ZNF257: variants seen among roughly 807,000 people sequenced by gnomAD.
ZNF257 encodes bone marrow zinc finger 4.
ZNF257 carries 12 observed loss-of-function variants against 11.9 expected under a neutral mutation model. The observed-to-expected ratio is 1.01, with a 90% confidence interval of 0.65 to 1.63. The LOEUF (loss-of-function observed/expected upper bound fraction) is 1.63. Ranked by LOEUF, ZNF257 falls within the 40% of genes most tolerant of loss-of-function variation. The pLI, the probability that ZNF257 is intolerant of heterozygous loss-of-function variation, is 0.00. For missense variants in ZNF257, 580 were observed against 665.5 expected, an observed-to-expected ratio of 0.87 and a Z score of 1.41; for synonymous variants, 183 against 222.7, an observed-to-expected ratio of 0.82 and a Z score of 1.59.
chr19:22,065,828 A>G (rs904665589), intron 1 of ZNF257: 2 of 152,182 alleles, frequency 1.3e-5, no homozygotes, highest in Admixed American at 1.3e-4. Context: ...TTCTTCATCA[A>G]AAAGTGCTGG....
chr19:22,082,042 T>G (rs2022371025), intron 3 of ZNF257, among the ~76,000 whole-genome samples: 1 of 151,990 alleles, frequency 6.6e-6, no homozygotes, highest in Non-Finnish European at 1.5e-5. Context: ...AAAATGAAGA[T>G]TACATAAAAC....
chr19:22,089,725 A>C lies in ZNF257; in HGVS notation c.*283A>C. ...AGCCTACAAATATGAAGAATGTGAC[A>C]AGGCCTTTAAAAGTTCTCAACCCTT... On this transcript the variant is annotated 3_prime_UTR_variant, in exon 4 of 4. Coordinates refer to ENST00000594947, the MANE Select transcript of ZNF257 (RefSeq NM_033468.4). The C allele has an allele frequency of 3.2e-6, 2 of 616,184 alleles. 1 individual carries two copies. The highest frequency in any genetic ancestry group is 4.7e-5 in the South Asian group (2 of 42,656). The allele number at this position is 616,184 out of a possible 1,614,324, so 38.2% of individuals were successfully genotyped here. A position where few individuals can be genotyped will look rare whatever the true frequency, so the allele number is the denominator to read the frequency against.
chr19:22,061,628 T>G (rs964936424), intron 1 of ZNF257, among the ~76,000 whole-genome samples: 1 of 152,048 alleles, frequency 6.6e-6, no homozygotes, highest in Non-Finnish European at 1.5e-5. Context: ...TGCCTTTTTT[T>G]TTTTTCTCAC....
chr19:22,069,577 T>G (rs2022047816), intron 1 of ZNF257, among the ~76,000 whole-genome samples: 1 of 148,994 alleles, frequency 6.7e-6, no homozygotes, highest in South Asian at 2.1e-4. Flanking sequence ...ATTGAGTGAT[T>G]GAGTGATTGC....
chr19:22,068,062 G>T (rs1309854478), intron 1 of ZNF257, among the ~76,000 whole-genome samples: 3 of 151,254 alleles, frequency 2.0e-5, no homozygotes, highest in South Asian at 4.2e-4. Flanking sequence ...TATAGTTGTG[G>T]TTATGACTCT....
rs773527600 is a variant in ZNF257 at position 22,089,269 on chromosome 19, A to G, written c.1519A>G (p.Ile507Val). Residue 507 changes from isoleucine (I) to valine (V), a missense_variant, in exon 4 of 4, where the codon ATA becomes GTA. Coordinates refer to ENST00000594947, the MANE Select transcript of ZNF257 (RefSeq NM_033468.4). ...NRSSHLSQHK[I>V]IHTGEKPYKC... Reference sequence around the variant, plus strand: ...GTCTTCACACCTTTCTCAACATAAGATAATTCATACTGGAGAGAAACCCTA... The same window carrying G: ...GTCTTCACACCTTTCTCAACATAAGGTAATTCATACTGGAGAGAAACCCTA... The G allele has an allele frequency of 1.2e-6, 2 of 1,613,854 alleles. No homozygotes were observed. The highest frequency in any genetic ancestry group is 1.7e-6 in the Non-Finnish European group (2 of 1,179,892).
chr19:22,059,382 T>C (rs1213902951), intron 1 of ZNF257, among the ~76,000 whole-genome samples: 2 of 152,108 alleles, frequency 1.3e-5, no homozygotes, highest in Non-Finnish European at 2.9e-5. Context: ...TACTTATAAA[T>C]GGTAACATGT....
intron 1 of ZNF257, among the ~76,000 whole-genome samples, chr19:22,071,659 T>TTG (rs2022106366): frequency 6.6e-6 from 1 of 152,124 alleles, no homozygotes; most frequent in Non-Finnish European, 1.5e-5. Context: ...AAAAATATGT[T>TTG]TTTTCCCATA....
chr19:22,065,698 A>G (rs918619913), intron 1 of ZNF257: 24 of 152,166 alleles, frequency 1.6e-4, no homozygotes, highest in African/African-American at 5.8e-4. Flanking sequence ...ACTAACTTGG[A>G]ATGCTGCTAT....
At position 22,089,150 on chromosome 19, in the gene ZNF257, C is replaced by T. The variant is rs546999576; in HGVS notation, c.1400C>T (p.Ala467Val). Residue 467 changes from alanine to valine, a missense_variant, in exon 4 of 4, where the codon GCC becomes GTC. Coordinates refer to ENST00000594947, the MANE Select transcript of ZNF257 (RefSeq NM_033468.4). The stretch of plus-strand genomic sequence containing the variant: ...TACAAATGTGAAGAGTGTGGCAAAG[C>T]CTTTAACCAGTCTTCACACCTTACT... ...KPYKCEECGK[A>V]FNQSSHLTQH... 12 of 1,613,834 alleles carry T rather than the reference C, an allele frequency of 7.4e-6. No homozygotes were observed. In the African/African-American group the frequency reaches 1.6e-4, roughly 22 times the overall value.
chr19:22,071,678 C>G (rs1055212181), intron 1 of ZNF257, among the ~76,000 whole-genome samples: 1 of 152,012 alleles, frequency 6.6e-6, no homozygotes, highest in African/African-American at 2.4e-5. Flanking sequence ...TATACCAGAG[C>G]CTTCTACATC....
At chr19:22,062,807 T>C (rs2099348) in intron 1 of ZNF257, among the ~76,000 whole-genome samples, 2,739 of 152,288 alleles carry the variant, frequency 0.018, 76 homozygotes, top group African/African-American at 0.062. Context: ...CCTGAAGTTT[T>C]CTTTTTCCAT....
intron 1 of ZNF257, among the ~76,000 whole-genome samples, chr19:22,056,066 A>AAAG (rs1555756851): frequency 1.2e-3 from 181 of 151,928 alleles, no homozygotes; most frequent in African/African-American, 4.3e-3. Context: ...AAAAAAAAAA[A>AAAG]AAAAAGAAAA....
At chr19:22,065,985 G>T (rs1294569545) in intron 1 of ZNF257, 1 of 152,204 alleles carries the variant, frequency 6.6e-6, no homozygotes, top group African/African-American at 2.4e-5. Context: ...CATGCTGAGA[G>T]TAGCTGTGCA....
intron 1 of ZNF257, among the ~76,000 whole-genome samples, chr19:22,058,672 G>C (rs998199235): frequency 1.6e-4 from 24 of 152,156 alleles, no homozygotes; most frequent in Non-Finnish European, 2.4e-4. Flanking sequence ...CTGCTTTTCT[G>C]TCTGTCATAG....
Position 22,052,510 on chromosome 19 carries a change from T to G in ZNF257, c.-123T>G. The G allele has an allele frequency of 1.7e-6, 2 of 1,177,110 alleles. No individual in the cohort carries two copies. The highest frequency in any genetic ancestry group is 1.2e-5 in the South Asian group (1 of 81,952). The allele number at this position is 1,177,110 out of a possible 1,614,324, so 72.9% of individuals were successfully genotyped here. A position where few individuals can be genotyped will look rare whatever the true frequency, so the allele number is the denominator to read the frequency against. ...CTTTGTCTCTCGCTCTAGCCCGAGC[T>G]GCAGGTCTCGTCTTCCCTGGTCTGT... On this transcript the variant is annotated 5_prime_UTR_variant, in exon 1 of 4. Coordinates refer to ENST00000594947, the MANE Select transcript of ZNF257 (RefSeq NM_033468.4).
At position 22,089,317 on chromosome 19, in the gene ZNF257, C is replaced by G. The variant is rs1391001661; in HGVS notation, c.1567C>G (p.Pro523Ala). 6.2e-7 allele frequency: 1 copy of G among 1,613,050 alleles called. No homozygotes were observed. Among genetic ancestry groups the G allele is most frequent in the South Asian group, 1.1e-5 (1 of 91,004 alleles). Residue 523 changes from proline (P) to alanine (A), a missense_variant, in exon 4 of 4, where the codon CCT (proline) becomes GCT (alanine). Transcript: ENST00000594947. ...CTACAAATGTGAAGAATGTGGCAAG[C>G]CTTTTAATCGTTTCTCATACCTTAC... ...KPYKCEECGK[P>A]FNRFSYLTVH... is the part of the protein sequence containing the mutation.
chr19:22,073,374 A>C, intron 2 of ZNF257, 95 bp from the exon 3 acceptor site: 1 of 1,330,554 alleles, frequency 7.5e-7, no homozygotes. Flanking sequence ...TAAATGTATT[A>C]GAATATTATA....
chr19:22,056,416 C>T (rs1170916391), intron 1 of ZNF257, among the ~76,000 whole-genome samples: 1 of 151,978 alleles, frequency 6.6e-6, no homozygotes, highest in African/African-American at 2.4e-5. Flanking sequence ...TCTGGGATTA[C>T]AGGCATGAGC....
Sources: allele counts gnomAD v4.1 joint callset (sites outside exome capture counted in the v4.1 genomes callset), GRCh38; gene constraint gnomAD v4.1.1; transcripts MANE v1.5; gene names NCBI Gene and HGNC (gene_info 2026-07-23, HGNC 2026-07-21).